The following TGFBR3 variants were observed in gnomAD, a reference collection of about 807,000 sequenced individuals.
The protein encoded by TGFBR3 is transforming growth factor beta receptor 3.
Under a neutral mutation model 87.9 loss-of-function variants are expected in TGFBR3, and 46 were observed. That is an observed-to-expected ratio of 0.52 (90% CI 0.41 to 0.67). TGFBR3 has a LOEUF of 0.67. Ranked by LOEUF, TGFBR3 falls within the 30% of genes least tolerant of loss-of-function variation. The pLI is 0.00. For synonymous variants in TGFBR3, 381 were observed against 391.6 expected (o/e 0.97, Z 0.32); for missense variants, 866 against 1,041.9 (o/e 0.83, Z 2.32).
chr1:91,849,111 A>C (rs912541420), intron 2 of TGFBR3, among the ~76,000 whole-genome samples: 1 of 152,148 alleles, frequency 6.6e-6, no homozygotes, highest in African/African-American at 2.4e-5. Context: ...CCTTCCTTCT[A>C]ATAAGGAGTC....
intron 16 of TGFBR3, among the ~76,000 whole-genome samples, chr1:91,687,948 C>T (rs911882189): frequency 3.9e-5 from 6 of 152,180 alleles, no homozygotes; most frequent in East Asian, 1.9e-4. Flanking sequence ...CAATTAATGT[C>T]TCAGTTTCTT....
At chr1:91,701,058 C>G (rs187082876) in intron 14 of TGFBR3, among the ~76,000 whole-genome samples, 332 of 152,236 alleles carry the variant, frequency 2.2e-3, no homozygotes, top group Non-Finnish European at 3.6e-3. Context: ...ATGACTCTCT[C>G]CTAAGGAGAC....
intron 2 of TGFBR3, among the ~76,000 whole-genome samples, chr1:91,896,520 T>C (rs1207664984): frequency 6.6e-6 from 1 of 152,122 alleles, no homozygotes; most frequent in Non-Finnish European, 1.5e-5. Flanking sequence ...ACGGCATGAA[T>C]GAATCTCCAC....
intron 3 of TGFBR3, among the ~76,000 whole-genome samples, chr1:91,768,679 T>C (rs557640930): frequency 3.3e-5 from 5 of 152,196 alleles, no homozygotes; most frequent in Non-Finnish European, 2.9e-5. Context: ...GCTCCATCCA[T>C]GTAAGATGTG....
intron 2 of TGFBR3, among the ~76,000 whole-genome samples, chr1:91,860,492 G>C (rs1042910848): frequency 6.6e-6 from 1 of 152,136 alleles, no homozygotes; most frequent in African/African-American, 2.4e-5. Flanking sequence ...TAATAAAATA[G>C]AGCAAATTAA....
chr1:91,810,893 G>C (rs939344122), intron 2 of TGFBR3, among the ~76,000 whole-genome samples: 3 of 152,158 alleles, frequency 2.0e-5, no homozygotes, highest in African/African-American at 7.2e-5. Flanking sequence ...AAATGCAAAA[G>C]AGAAACTTCA....
intron 2 of TGFBR3, among the ~76,000 whole-genome samples, chr1:91,804,648 G>A (rs2101024803): frequency 6.6e-6 from 1 of 152,116 alleles, no homozygotes; most frequent in East Asian, 1.9e-4. Flanking sequence ...TGACCACCAT[G>A]GGGCCCGAGT....
At position 91,858,451 on chromosome 1, in the gene TGFBR3, C is replaced by G. The variant is rs1457824060; in HGVS notation, c.61+3020G>C. On this transcript the variant is annotated intron_variant, in intron 2 of 16. Coordinates refer to ENST00000212355, the MANE Select transcript of TGFBR3 (RefSeq NM_003243.5). Reference sequence around the variant, plus strand: ...GCAACACGATGAAACCCCATCTCTACTAAAATACAAAAAATTAGCTGGGCG... The same window carrying G: ...GCAACACGATGAAACCCCATCTCTAGTAAAATACAAAAAATTAGCTGGGCG... 2.6e-5 allele frequency among the ~76,000 whole-genome samples: 4 copies of G among 151,624 alleles called. No homozygotes were observed. In the East Asian group the frequency reaches 7.8e-4, roughly 30 times the overall value.
At chr1:91,725,353 A>G (rs924926264) in intron 7 of TGFBR3, among the ~76,000 whole-genome samples, 2 of 152,214 alleles carry the variant, frequency 1.3e-5, no homozygotes, top group Non-Finnish European at 2.9e-5. Flanking sequence ...TGTATAGAGA[A>G]GTGCCCTAAT....
intron 1 of TGFBR3, among the ~76,000 whole-genome samples, chr1:91,905,515 G>A (rs11466550): frequency 1.3e-5 from 2 of 152,168 alleles, no homozygotes; most frequent in African/African-American, 2.4e-5. Flanking sequence ...TCACTGCAAC[G>A]TCGGCCTCCC....
intron 16 of TGFBR3, among the ~76,000 whole-genome samples, chr1:91,693,112 G>C (rs1304531447): frequency 1.3e-5 from 2 of 152,106 alleles, no homozygotes; most frequent in Non-Finnish European, 2.9e-5. Flanking sequence ...AAACTGAAGG[G>C]GTTCTGGAAA....
chr1:91,685,665 C>T (rs1440919194), intron 16 of TGFBR3, among the ~76,000 whole-genome samples: 1 of 152,068 alleles, frequency 6.6e-6, no homozygotes, highest in Non-Finnish European at 1.5e-5. Context: ...GTTTTGGACC[C>T]TCCCCAGCAC....
chr1:91,809,869 G>T (rs145315514), intron 2 of TGFBR3, among the ~76,000 whole-genome samples: 2 of 152,166 alleles, frequency 1.3e-5, no homozygotes, highest in African/African-American at 4.8e-5. Context: ...CTGGTCACTG[G>T]TGTGCTCTTG....
chr1:91,695,815 G>C (rs1671419308), intron 15 of TGFBR3, 36 bp from the exon 16 acceptor site: 1 of 1,561,286 alleles, frequency 6.4e-7, no homozygotes, highest in South Asian at 1.1e-5. Flanking sequence ...ACAACTTTTT[G>C]GTTAGTCTGC....
At chr1:91,788,971 T>C (rs1675078415) in intron 3 of TGFBR3, among the ~76,000 whole-genome samples, 1 of 152,068 alleles carries the variant, frequency 6.6e-6, no homozygotes, top group South Asian at 2.1e-4. Flanking sequence ...CAAAACACCA[T>C]ACTGGTTGGA....
chr1:91,891,170 TGA>T (rs1312490668), intron 2 of TGFBR3, among the ~76,000 whole-genome samples: 2 of 151,490 alleles, frequency 1.3e-5, no homozygotes, highest in African/African-American at 4.9e-5. Context: ...ATTACAGGTG[TGA>T]GTCACTGAGC....
intron 3 of TGFBR3, among the ~76,000 whole-genome samples, chr1:91,764,409 T>TA (rs1674095454): frequency 7.5e-6 from 1 of 134,014 alleles, no homozygotes; most frequent in Non-Finnish European, 1.6e-5. Context: ...CCTGGAAAAA[T>TA]ACTGGGAACT....
chr1:91,739,947 T>C (rs1673104439), intron 4 of TGFBR3, among the ~76,000 whole-genome samples: 3 of 152,084 alleles, frequency 2.0e-5, no homozygotes, highest in Non-Finnish European at 4.4e-5. Context: ...TCGTGGTAAA[T>C]CACTCACTAT....
At chr1:91,782,226 T>C (rs1435645311) in intron 3 of TGFBR3, among the ~76,000 whole-genome samples, 1 of 152,054 alleles carries the variant, frequency 6.6e-6, no homozygotes, top group Non-Finnish European at 1.5e-5. Context: ...AGTGACAATC[T>C]AGGGGATGAG....
Sources: gnomAD v4.1 joint callset for allele counts (sites outside exome capture counted in the v4.1 genomes callset) on GRCh38, gnomAD v4.1.1 for gene constraint, MANE v1.5 for transcripts, NCBI Gene and HGNC (gene_info 2026-07-23, HGNC 2026-07-21) for gene names.